Variants in EML4 observed in about 807,000 individuals in gnomAD.
The protein encoded by EML4 is echinoderm microtubule-associated protein-like 4.
Under a neutral mutation model 129.0 loss-of-function variants are expected in EML4, and 72 were observed. The ratio of observed to expected loss-of-function variants is 0.56; its 90% CI spans 0.46 to 0.68. EML4 has a LOEUF of 0.68. Among genes scored for constraint, EML4 ranks in the 30% least tolerant of loss-of-function variants. EML4 has a pLI of 0.00. For synonymous variants in EML4, 532 were observed against 405.0 expected (o/e 1.31, Z -3.77); for missense variants, 1,363 against 1,190.6 (o/e 1.14, Z -2.13).
intron 5 of EML4, among the ~76,000 whole-genome samples, chr2:42,264,100 C>CTT (rs1665906222): frequency 4.6e-5 from 5 of 109,388 alleles, no homozygotes; most frequent in East Asian, 3.2e-4. Flanking sequence ...TCAAACAATA[C>CTT]GTGTTTTTTT....
intron 2 of EML4, among the ~76,000 whole-genome samples, chr2:42,254,124 T>C (rs1253620122): frequency 2.6e-5 from 4 of 152,196 alleles, no homozygotes; most frequent in African/African-American, 7.2e-5. Flanking sequence ...GAAGTTGTTA[T>C]GCCATTTGAG....
intron 3 of EML4, among the ~76,000 whole-genome samples, chr2:42,256,893 T>C (rs1460211797): frequency 2.0e-5 from 3 of 152,236 alleles, no homozygotes; most frequent in Admixed American, 2.0e-4. Context: ...TTTGTTTCTT[T>C]GTAACAAGTA....
At chr2:42,216,639 C>G (rs1372154019) in intron 1 of EML4, among the ~76,000 whole-genome samples, 1 of 152,136 alleles carries the variant, frequency 6.6e-6, no homozygotes, top group Non-Finnish European at 1.5e-5. Flanking sequence ...TTTCATATCT[C>G]TACAGTTGTT....
intron 13 of EML4, among the ~76,000 whole-genome samples, chr2:42,296,612 T>C (rs1388581198): frequency 6.6e-6 from 1 of 152,156 alleles, no homozygotes; most frequent in Admixed American, 6.6e-5. Flanking sequence ...CAATAAGCTT[T>C]CCCTGGGCTA....
chr2:42,291,917 T>A (rs1667667763), intron 11 of EML4, among the ~76,000 whole-genome samples: 1 of 152,070 alleles, frequency 6.6e-6, no homozygotes, highest in African/African-American at 2.4e-5. Context: ...TCAAAGAAAT[T>A]CAAATTAAAA....
intron 1 of EML4, among the ~76,000 whole-genome samples, chr2:42,232,882 G>T (rs895295501): frequency 6.6e-6 from 1 of 151,982 alleles, no homozygotes; most frequent in Admixed American, 6.6e-5. Context: ...CCGCCACAAC[G>T]CGCGGCTAAT....
At chr2:42,274,237 G>T (rs1194711864) in intron 6 of EML4, among the ~76,000 whole-genome samples, 2 of 152,072 alleles carry the variant, frequency 1.3e-5, no homozygotes, top group African/African-American at 2.4e-5. Context: ...TTCCAGTTTG[G>T]GGGAGGCTTT....
intron 1 of EML4, among the ~76,000 whole-genome samples, chr2:42,239,286 G>C (rs936118193): frequency 5.9e-5 from 9 of 152,136 alleles, no homozygotes; most frequent in Non-Finnish European, 1.2e-4. Context: ...GTCTTATTCT[G>C]ATATGATACT....
intron 7 of EML4, among the ~76,000 whole-genome samples, chr2:42,281,192 G>C (rs912284921): frequency 8.5e-5 from 13 of 152,100 alleles, no homozygotes; most frequent in African/African-American, 2.9e-4. Flanking sequence ...AGTAGTTCAA[G>C]ACCAGCCTAG....
chr2:42,239,806 T>A (rs1447783695), intron 1 of EML4, among the ~76,000 whole-genome samples: 1 of 152,116 alleles, frequency 6.6e-6, no homozygotes, highest in Non-Finnish European at 1.5e-5. Context: ...TCTAATCTAC[T>A]TGATCAAGAA....
intron 1 of EML4, among the ~76,000 whole-genome samples, chr2:42,228,206 G>A (rs1470433967): frequency 6.9e-6 from 1 of 145,156 alleles, no homozygotes; most frequent in Admixed American, 6.9e-5. Flanking sequence ...GGGTGACAGG[G>A]AGAGACTCTG....
At chr2:42,181,733 C>G (rs60046779) in intron 1 of EML4, among the ~76,000 whole-genome samples, 1 of 152,094 alleles carries the variant, frequency 6.6e-6, no homozygotes, top group Admixed American at 6.6e-5. Flanking sequence ...TCTTTGAAGA[C>G]TTTCTTGTTT....
Position 42,301,282 on chromosome 2 carries a change from A to G in EML4, c.1531A>G (p.Ser511Gly). Residue 511 changes from serine (S) to glycine (G), a missense_variant, in exon 14 of 23, where the codon AGT becomes GGT. Ser to Gly is a moderately conservative substitution (Grantham distance 56). Transcript: ENST00000318522. ...ISKQIKAHDG[S>G]VFTLCQMRNG... ...CAAACAAATCAAAGCTCATGATGGC[A>G]GTGTGTTCACACTTTGTCAGATGAG... The G allele has an allele frequency of 1.2e-6, 2 of 1,613,168 alleles. No homozygotes were observed. The highest frequency in any genetic ancestry group is 1.3e-5 in the African/African-American group (1 of 74,986).
chr2:42,258,457 A>G (rs535914359), intron 3 of EML4, among the ~76,000 whole-genome samples: 10 of 151,822 alleles, frequency 6.6e-5, no homozygotes, highest in Admixed American at 2.0e-4. Context: ...CTGGAGTGCA[A>G]TGGCGCAATC....
rs1201322650 is a variant in EML4, at chr2:42,283,675, A to G, written c.941+703A>G. On this transcript the variant is annotated intron_variant, in intron 8 of 22. Coordinates refer to ENST00000318522, the MANE Select transcript of EML4 (RefSeq NM_019063.5). ...ATAGATGACTATTATAATATTATAT[A>G]GATATTGAACTTTTGGAGTTGATTA... Among the ~76,000 whole-genome samples the G allele has an allele frequency of 2.6e-5, 4 of 152,310 alleles. No individual in the cohort carries two copies. In the South Asian group the frequency reaches 6.2e-4, roughly 24 times the overall value.
intron 17 of EML4, among the ~76,000 whole-genome samples, chr2:42,312,112 A>C (rs939323543): frequency 6.6e-6 from 1 of 152,214 alleles, no homozygotes; most frequent in Non-Finnish European, 1.5e-5. Flanking sequence ...AAGTATTCAC[A>C]TATGAAAGAT....
chr2:42,227,587 T>C lies in EML4; in HGVS notation c.26-17918T>C, dbSNP rs141862747. On this transcript the variant is annotated intron_variant, in intron 1 of 22. Coordinates refer to ENST00000318522, the MANE Select transcript of EML4 (RefSeq NM_019063.5). ...TATTGCAATATATATGCCCTTCAAA[T>C]ACAGTTGACCCTTGAACAACACAGG... Among the ~76,000 whole-genome samples, 414 of 151,250 alleles carry C rather than the reference T, an allele frequency of 2.7e-3. 2 individuals carry two copies. The highest frequency in any genetic ancestry group is 9.7e-3 in the African/African-American group (398 of 41,216).
chr2:42,208,742 A>G (rs1272783576), intron 1 of EML4, among the ~76,000 whole-genome samples: 3 of 146,236 alleles, frequency 2.1e-5, no homozygotes, highest in African/African-American at 7.6e-5. Context: ...CTGGAAGCCT[A>G]CTCCTTTTAT....
rs777457843 is a variant in EML4 at position 42,330,201 on chromosome 2, G to C, written c.2940G>C (p.Ser980=). 3.7e-6 allele frequency: 6 copies of C among 1,612,688 alleles called. No individual in the cohort carries two copies. The highest frequency in any genetic ancestry group is 1.3e-5 in the African/African-American group (1 of 74,550). The change falls in exon 23 of 23, where the codon TCG becomes TCC. Residue 980 remains serine, a synonymous_variant. Transcript: ENST00000318522. ...AGGACCAGCAAGACCCTTCGCCCTC[G>C]TCCTAACACCCTGGCTTCAGTGCAA... ...LLEDQQDPSP[S]S is the part of the protein sequence containing the mutation.
Sources: allele counts gnomAD v4.1 joint callset (sites outside exome capture counted in the v4.1 genomes callset), GRCh38; gene constraint gnomAD v4.1.1; transcripts MANE v1.5; gene names NCBI Gene and HGNC (gene_info 2026-07-23, HGNC 2026-07-21).